CCDC178: variants seen among roughly 807,000 people sequenced by gnomAD.
CCDC178 encodes coiled-coil domain containing 178.
In CCDC178, 126 loss-of-function variants were observed where a neutral mutation model predicts 117.4. The observed-to-expected ratio is 1.07, with a 90% CI of 0.93 to 1.24. The LOEUF is 1.24. Ranked by LOEUF, CCDC178 falls within the 50% of genes most tolerant of loss-of-function variation. The pLI is 0.00. For missense variants in CCDC178, 1,030 were observed against 986.9 expected, an observed-to-expected ratio of 1.04 and a Z score of -0.59; for synonymous variants, 283 against 313.4, an observed-to-expected ratio of 0.90 and a Z score of 1.02.
At chr18:33,268,712 A>G (rs1217763930) in intron 12 of CCDC178, among the ~76,000 whole-genome samples, 1 of 151,834 alleles carries the variant, frequency 6.6e-6, no homozygotes, top group Non-Finnish European at 1.5e-5. Context: ...TAAAAAGCCA[A>G]CATTCCCAGA....
Position 33,329,876 on chromosome 18 carries a change from A to AGTGTGTGTGT in CCDC178, c.879+3288_879+3297dup, listed in dbSNP as rs67627028. 4.8e-3 allele frequency among the ~76,000 whole-genome samples: 637 copies of AGTGTGTGTGT among 131,422 alleles called. 3 individuals are homozygous for AGTGTGTGTGT. Among genetic ancestry groups the AGTGTGTGTGT allele is most frequent in the African/African-American group, 7.8e-3 (263 of 33,826 alleles). 86.2% of individuals were successfully genotyped at this position (131,422 alleles called of 152,430 possible). A position where few individuals can be genotyped will look rare whatever the true frequency, so the allele number is the denominator to read the frequency against. On this transcript the variant is annotated intron_variant, in intron 10 of 22. Transcript: ENST00000383096. ...AGTTTGAGAGTTGGAGAATTATTAG[A>AGTGTGTGTGT]GTGTGTGTGTGTGTGTGTGTGTGTG...
At chr18:33,263,117 A>G (rs2059770831) in intron 14 of CCDC178, among the ~76,000 whole-genome samples, 2 of 152,326 alleles carry the variant, frequency 1.3e-5, no homozygotes, top group South Asian at 4.1e-4. Context: ...GATAGTTTTC[A>G]TTTATCATAT....
intron 20 of CCDC178, among the ~76,000 whole-genome samples, chr18:33,136,472 T>G (rs1223467771): frequency 6.6e-6 from 1 of 152,142 alleles, no homozygotes; most frequent in Non-Finnish European, 1.5e-5. Context: ...TTAGAATAAC[T>G]AGAGTTGATT....
At chr18:33,389,740 A>G in intron 4 of CCDC178, 111 bp from the exon 5 acceptor site, 1 of 422,708 alleles carries the variant, frequency 2.4e-6, no homozygotes, top group Non-Finnish European at 4.2e-6. Context: ...TCCTTAAAAG[A>G]AAAACAACTA....
At chr18:33,365,897 T>TG (rs1377819688) in intron 6 of CCDC178, among the ~76,000 whole-genome samples, 1 of 152,200 alleles carries the variant, frequency 6.6e-6, no homozygotes, top group Admixed American at 6.5e-5. Context: ...TATCATTGTG[T>TG]GATGTTTCCA....
At chr18:33,280,277 C>A (rs972917295) in intron 12 of CCDC178, among the ~76,000 whole-genome samples, 1 of 152,112 alleles carries the variant, frequency 6.6e-6, no homozygotes, top group Non-Finnish European at 1.5e-5. Flanking sequence ...AGAACCCCAT[C>A]AAAAAGTGGG....
At chr18:33,280,645 C>T (rs1232273614) in intron 12 of CCDC178, among the ~76,000 whole-genome samples, 3 of 152,058 alleles carry the variant, frequency 2.0e-5, no homozygotes, top group Admixed American at 2.0e-4. Context: ...TATAAAGACA[C>T]ATGCACACGT....
At chr18:33,363,536 C>T (rs1177223766) in intron 6 of CCDC178, among the ~76,000 whole-genome samples, 1 of 151,958 alleles carries the variant, frequency 6.6e-6, no homozygotes, top group Admixed American at 6.6e-5. Flanking sequence ...ATTTGGGGAA[C>T]CTGACACCAT....
At chr18:33,115,796 T>C (rs16964280) in intron 20 of CCDC178, among the ~76,000 whole-genome samples, 9,179 of 152,080 alleles carry the variant, frequency 0.06, 457 homozygotes, top group African/African-American at 0.13. Flanking sequence ...GAGTTAATCG[T>C]TCTGCCTCAG....
Position 33,047,944 on chromosome 18 carries a change from G to A in CCDC178, c.2388+44817C>T, listed in dbSNP as rs576776110. Among the ~76,000 whole-genome samples, 7 of 152,290 alleles carry A rather than the reference G, an allele frequency of 4.6e-5. No homozygotes were observed. In the East Asian group the frequency reaches 9.6e-4, roughly 21 times the overall value. On this transcript the variant is annotated intron_variant, in intron 21 of 22. Coordinates refer to ENST00000383096, the MANE Select transcript of CCDC178 (RefSeq NM_001105528.4). ...TAAGAAGTATAGATTGCCTGGATAAGCAGTTTAATTCTGTCCCCTCAAAAA... is the reference window on the plus strand; with the variant it reads ...TAAGAAGTATAGATTGCCTGGATAAACAGTTTAATTCTGTCCCCTCAAAAA...
chr18:33,400,448 A>G (rs375604445), intron 3 of CCDC178, among the ~76,000 whole-genome samples: 3 of 152,304 alleles, frequency 2.0e-5, no homozygotes, highest in Admixed American at 6.5e-5. Context: ...TTCATCAATT[A>G]GCTTAGCCAG....
At chr18:33,310,892 A>G (rs2062332845) in intron 11 of CCDC178, among the ~76,000 whole-genome samples, 1 of 152,120 alleles carries the variant, frequency 6.6e-6, no homozygotes, top group Non-Finnish European at 1.5e-5. Flanking sequence ...GACTCCTCTC[A>G]GGGAGTCAAC....
chr18:33,166,457 A>G (rs1158591637), intron 20 of CCDC178, among the ~76,000 whole-genome samples: 1 of 152,114 alleles, frequency 6.6e-6, no homozygotes, highest in Admixed American at 6.6e-5. Context: ...ACTAGATTCC[A>G]ACTCTGATCC....
intron 4 of CCDC178, among the ~76,000 whole-genome samples, chr18:33,391,117 A>C (rs1001015117): frequency 1.1e-4 from 16 of 151,330 alleles, no homozygotes; most frequent in Admixed American, 2.6e-4. Context: ...AAAAAGAACC[A>C]AATATAAAAT....
rs1179594485 is a variant in CCDC178 at position 33,285,467 on chromosome 18, C to A, written c.1176+7692G>T. On this transcript the variant is annotated intron_variant, in intron 12 of 22. Coordinates refer to ENST00000383096, the MANE Select transcript of CCDC178 (RefSeq NM_001105528.4). ...AGAATGGAAGAAAAGTTTCAAAATTCATTTTGTAAAGCTGGCATAATCCTG... is the reference window on the plus strand; with the variant it reads ...AGAATGGAAGAAAAGTTTCAAAATTAATTTTGTAAAGCTGGCATAATCCTG... Among the ~76,000 whole-genome samples the A allele has an allele frequency of 1.3e-5, 2 of 152,076 alleles. 1 individual carries two copies. Among genetic ancestry groups the A allele is most frequent in the African/African-American group, 4.8e-5 (2 of 41,414 alleles).
chr18:33,241,436 G>GTA (rs904888529), intron 15 of CCDC178, among the ~76,000 whole-genome samples: 25 of 6,918 alleles, frequency 3.6e-3, no homozygotes, highest in Admixed American at 0.03. Context: ...GATCGTGTGT[G>GTA]TGTGTGTGTG....
intron 3 of CCDC178, among the ~76,000 whole-genome samples, chr18:33,401,694 A>T (rs2063711740): frequency 6.6e-6 from 1 of 152,094 alleles, no homozygotes; most frequent in African/African-American, 2.4e-5. Flanking sequence ...ACAATATATT[A>T]AAAATGATAC....
chr18:33,313,485 G>A (rs925735359), intron 11 of CCDC178, among the ~76,000 whole-genome samples: 6 of 152,112 alleles, frequency 3.9e-5, no homozygotes, highest in African/African-American at 1.4e-4. Flanking sequence ...TATATCAAAA[G>A]TCCTGACCAT....
rs9957810 is a variant in CCDC178 at position 32,970,485 on chromosome 18, C to A, written c.2523+4062G>T. On this transcript the variant is annotated intron_variant, in intron 22 of 22. Coordinates refer to ENST00000383096, the MANE Select transcript of CCDC178 (RefSeq NM_001105528.4). ...TTGAGAATAGGAAACATTATTTAGA[C>A]CCCCTGACATCGGCACTTAAAGGAA... Among the ~76,000 whole-genome samples, 12 of 151,914 alleles carry A rather than the reference C, an allele frequency of 7.9e-5. No individual in the cohort carries two copies. The East Asian group carries it at 2.1e-3, about 27-fold the overall frequency.
Sources: allele counts gnomAD v4.1 joint callset (sites outside exome capture counted in the v4.1 genomes callset), GRCh38; gene constraint gnomAD v4.1.1; transcripts MANE v1.5; gene names NCBI Gene and HGNC (gene_info 2026-07-23, HGNC 2026-07-21).